RANBP2: variants seen among roughly 807,000 people sequenced by gnomAD.
The protein encoded by RANBP2 is RAN binding protein 2.
RANBP2 carries 57 observed loss-of-function variants against 303.6 expected under a neutral mutation model. The observed-to-expected ratio is 0.19, with a 90% CI of 0.15 to 0.23. RANBP2 has a LOEUF of 0.23. Among genes scored for constraint, RANBP2 ranks in the 10% least tolerant of loss-of-function variants. The pLI is 1.00. For synonymous variants in RANBP2, 1,167 were observed against 1,301.5 expected (o/e 0.90, Z 2.23); for missense variants, 3,138 against 3,780.8 (o/e 0.83, Z 4.46).
the RANBP2 span, among the ~76,000 whole-genome samples, chr2:109,651,613 A>T: frequency 6.6e-6 from 1 of 152,194 alleles, no homozygotes; most frequent in South Asian, 2.1e-4. Flanking sequence ...CCCTTTCCCT[A>T]AAAGGAGCAG....
chr2:109,097,308 CAAAACA>C, the RANBP2 span, among the ~76,000 whole-genome samples: 1 of 121,398 alleles, frequency 8.2e-6, no homozygotes, highest in Admixed American at 1.1e-4. Context: ...ATCTCAAAAA[CAAAACA>C]AAAAACAAAA....
At chr2:108,928,979 G>T in the RANBP2 span, among the ~76,000 whole-genome samples, 3 of 152,176 alleles carry the variant, frequency 2.0e-5, no homozygotes, top group Non-Finnish European at 4.4e-5. Context: ...GGCCACTTAG[G>T]AGACACAGAG....
chr2:109,405,374 C>A, the RANBP2 span, among the ~76,000 whole-genome samples: 1 of 152,170 alleles, frequency 6.6e-6, no homozygotes, highest in South Asian at 2.1e-4. Flanking sequence ...TGACTCCCTG[C>A]CCCTGAGTTC....
At chr2:109,013,871 C>G in the RANBP2 span, among the ~76,000 whole-genome samples, 1 of 152,180 alleles carries the variant, frequency 6.6e-6, no homozygotes, top group South Asian at 2.1e-4. Flanking sequence ...ACCACCACAC[C>G]CGGCCCTTTC....
the RANBP2 span, among the ~76,000 whole-genome samples, chr2:108,803,879 C>T: frequency 6.6e-6 from 1 of 151,988 alleles, no homozygotes; most frequent in Non-Finnish European, 1.5e-5. Flanking sequence ...TTTTTAGTAT[C>T]TTTTAGATAT....
At chr2:109,610,095 G>GTTTTTTTTTTTT in the RANBP2 span, among the ~76,000 whole-genome samples, 6 of 143,432 alleles carry the variant, frequency 4.2e-5, no homozygotes, top group African/African-American at 1.6e-4. Context: ...TCCCTGAGGT[G>GTTTTTTTTTTTT]TTTTTTTTTT....
At chr2:109,155,203 T>A in the RANBP2 span, among the ~76,000 whole-genome samples, 1 of 152,242 alleles carries the variant, frequency 6.6e-6, no homozygotes, top group Non-Finnish European at 1.5e-5. Context: ...TGTTCAGTGG[T>A]GTTCTCATCC....
the RANBP2 span, among the ~76,000 whole-genome samples, chr2:109,411,142 C>G: frequency 6.6e-6 from 1 of 152,208 alleles, no homozygotes; most frequent in African/African-American, 2.4e-5. Context: ...CCCTCAAGTC[C>G]CTGGTGTCAC....
chr2:109,156,912 T>C, the RANBP2 span, among the ~76,000 whole-genome samples: 5 of 152,218 alleles, frequency 3.3e-5, no homozygotes, highest in African/African-American at 1.2e-4. Flanking sequence ...CAGTTAATGC[T>C]TTCTTTCCAG....
chr2:109,243,779 A>AG, the RANBP2 span, among the ~76,000 whole-genome samples: 1 of 152,316 alleles, frequency 6.6e-6, no homozygotes, highest in East Asian at 1.9e-4. Flanking sequence ...AATCCAGGAA[A>AG]GGAGTTTGGG....
At chr2:109,709,891 C>G in the RANBP2 span, among the ~76,000 whole-genome samples, 4 of 151,854 alleles carry the variant, frequency 2.6e-5, no homozygotes, top group Non-Finnish European at 5.9e-5. Context: ...AGTTTGAGTC[C>G]AGCCTGACCT....
At chr2:109,343,567 C>G in the RANBP2 span, among the ~76,000 whole-genome samples, 7 of 152,152 alleles carry the variant, frequency 4.6e-5, no homozygotes, top group Non-Finnish European at 7.4e-5. Flanking sequence ...GCAAACAGGC[C>G]CCACCTGAGC....
chr2:109,596,493 T>C, the RANBP2 span, among the ~76,000 whole-genome samples: 1 of 152,048 alleles, frequency 6.6e-6, no homozygotes, highest in African/African-American at 2.4e-5. Context: ...GGCAGGCACC[T>C]GTAGTCCCAG....
chr2:108,749,050 A>G lies in RANBP2; in HGVS notation c.1194A>G (p.Thr398=), dbSNP rs1473774593. ...ALFSSQSPKD[T]SFLGSDDIGN... ...TTTCTAGTCAGTCACCTAAGGATAC[A>G]TCTTTTCTTGGTAGCGATGATATTG... Residue 398 remains threonine (T), a synonymous_variant, in exon 9 of 29, where the codon ACA becomes ACG. Coordinates refer to ENST00000283195, the MANE Select transcript of RANBP2 (RefSeq NM_006267.5). The G allele has an allele frequency of 1.2e-6, 2 of 1,611,906 alleles. No homozygotes were observed. Among genetic ancestry groups the G allele is most frequent in the African/African-American group, 1.3e-5 (1 of 74,852 alleles).
the RANBP2 span, among the ~76,000 whole-genome samples, chr2:109,422,998 A>G: frequency 4.6e-5 from 7 of 152,166 alleles, no homozygotes; most frequent in Non-Finnish European, 8.8e-5. Flanking sequence ...TCTGAGAGCA[A>G]CGGAACTCTT....
chr2:108,868,066 A>T, the RANBP2 span, among the ~76,000 whole-genome samples: 2 of 152,220 alleles, frequency 1.3e-5, no homozygotes, highest in Non-Finnish European at 2.9e-5. Flanking sequence ...TAACATGTGG[A>T]CATAATCATT....
the RANBP2 span, among the ~76,000 whole-genome samples, chr2:108,980,015 C>T: frequency 6.7e-6 from 1 of 149,758 alleles, no homozygotes; most frequent in African/African-American, 2.5e-5. Flanking sequence ...ATGCATTCAC[C>T]TCTCAAGCTT....
At chr2:109,227,821 G>A in the RANBP2 span, among the ~76,000 whole-genome samples, 12 of 152,268 alleles carry the variant, frequency 7.9e-5, no homozygotes, top group South Asian at 2.1e-4. Flanking sequence ...CCGAATTCCC[G>A]CTCACTCTGG....
the RANBP2 span, among the ~76,000 whole-genome samples, chr2:109,218,194 G>A: frequency 6.6e-6 from 1 of 151,828 alleles, no homozygotes; most frequent in Admixed American, 6.6e-5. Flanking sequence ...AGTTTCTGAG[G>A]CACGTGACAA....
Sources: allele counts gnomAD v4.1 joint callset (sites outside exome capture counted in the v4.1 genomes callset), GRCh38; gene constraint gnomAD v4.1.1; transcripts MANE v1.5; gene names NCBI Gene and HGNC (gene_info 2026-07-23, HGNC 2026-07-21).